Variants in CNTN4 observed in about 807,000 individuals in gnomAD.
The protein encoded by CNTN4 is contactin 4.
A neutral mutation model predicts 122.5 loss-of-function variants in CNTN4; 77 were observed. That is an observed-to-expected ratio of 0.63 (90% CI 0.52 to 0.76). The LOEUF is 0.76. Among genes scored for constraint, CNTN4 ranks in the 30% least tolerant of loss-of-function variants. CNTN4 has a pLI of 0.00. For synonymous variants in CNTN4, 512 were observed against 447.0 expected, an observed-to-expected ratio of 1.15 and a Z score of -1.83; for missense variants, 1,256 against 1,259.1, an observed-to-expected ratio of 1.00 and a Z score of 0.04.
At chr3:2,194,105 A>T (rs985812978) in intron 2 of CNTN4, among the ~76,000 whole-genome samples, 1 of 152,206 alleles carries the variant, frequency 6.6e-6, no homozygotes, top group Non-Finnish European at 1.5e-5. Flanking sequence ...ATATCTAGAT[A>T]TAAGGTTCAT....
At chr3:2,449,786 A>G (rs1243251626) in intron 3 of CNTN4, among the ~76,000 whole-genome samples, 3 of 152,012 alleles carry the variant, frequency 2.0e-5, no homozygotes, top group African/African-American at 7.3e-5. Context: ...AAATCTTGCT[A>G]TTTATGACAA....
intron 10 of CNTN4, among the ~76,000 whole-genome samples, chr3:2,894,305 C>T (rs916034363): frequency 2.0e-5 from 3 of 152,150 alleles, no homozygotes; most frequent in African/African-American, 7.2e-5. Flanking sequence ...TACAATGGTT[C>T]TTAGATTGCA....
At chr3:2,182,359 C>T (rs879334366) in intron 2 of CNTN4, among the ~76,000 whole-genome samples, 1 of 151,960 alleles carries the variant, frequency 6.6e-6, no homozygotes, top group Non-Finnish European at 1.5e-5. Flanking sequence ...ATTCACAACA[C>T]TAATTGAATT....
chr3:2,625,273 G>C (rs1298101528), intron 4 of CNTN4, among the ~76,000 whole-genome samples: 1 of 152,078 alleles, frequency 6.6e-6, no homozygotes, highest in Non-Finnish European at 1.5e-5. Context: ...TGGGACCCTG[G>C]ACATCTTGGG....
At chr3:2,595,079 A>C (rs1453528495) in intron 4 of CNTN4, among the ~76,000 whole-genome samples, 1 of 152,222 alleles carries the variant, frequency 6.6e-6, no homozygotes, top group African/African-American at 2.4e-5. Context: ...CAAGCTATAC[A>C]TTAGTGGGAA....
chr3:2,525,868 T>C (rs978817801), intron 3 of CNTN4, among the ~76,000 whole-genome samples: 1 of 152,156 alleles, frequency 6.6e-6, no homozygotes, highest in Non-Finnish European at 1.5e-5. Flanking sequence ...ACATATGTGC[T>C]AGCACACACA....
chr3:2,531,293 A>G (rs540353789), intron 3 of CNTN4, among the ~76,000 whole-genome samples: 1 of 152,258 alleles, frequency 6.6e-6, no homozygotes. Context: ...CATCAAGGGA[A>G]AGGAAGGAGC....
At chr3:2,479,614 C>T (rs1575726763) in intron 3 of CNTN4, among the ~76,000 whole-genome samples, 1 of 152,164 alleles carries the variant, frequency 6.6e-6, no homozygotes, top group Non-Finnish European at 1.5e-5. Flanking sequence ...CAGTGAGGAA[C>T]TGGGGGAGGG....
chr3:2,635,870 T>G lies in CNTN4; in HGVS notation c.55+64312T>G, dbSNP rs149335345. Among the ~76,000 whole-genome samples the G allele has an allele frequency of 1.3e-3, 196 of 152,268 alleles. 2 individuals carry two copies. Among genetic ancestry groups the G allele is most frequent in the African/African-American group, 4.5e-3 (187 of 41,550 alleles). On this transcript the variant is annotated intron_variant, in intron 4 of 24. Coordinates refer to ENST00000418658, the MANE Select transcript of CNTN4 (RefSeq NM_175607.3). ...CCAGATAGTTTCAAGGAACTGAAAC[T>G]TACCAGATCACCACCTCTGGACAAT...
intron 3 of CNTN4, among the ~76,000 whole-genome samples, chr3:2,499,001 G>A (rs902408709): frequency 1.4e-4 from 21 of 152,094 alleles, no homozygotes; most frequent in Non-Finnish European, 4.4e-5. Flanking sequence ...TGTTGGCCAG[G>A]CTGATCTCGA....
At position 2,266,524 on chromosome 3, in the gene CNTN4, A is replaced by G. The variant is rs564064666; in HGVS notation, c.-144-72654A>G. 7.2e-5 allele frequency among the ~76,000 whole-genome samples: 11 copies of G among 152,124 alleles called. No homozygotes were observed. In the South Asian group the frequency reaches 2.1e-3, roughly 29 times the overall value. On this transcript the variant is annotated intron_variant, in intron 2 of 24. Coordinates refer to ENST00000418658, the MANE Select transcript of CNTN4 (RefSeq NM_175607.3). ...AAAAATCAAATCTCCCCCCAACAAG[A>G]TGGAGATTTGGTCCTGCTGGGGGAT... is the stretch of plus-strand genomic sequence containing the variant.
At chr3:2,885,434 G>C (rs1202412063) in intron 9 of CNTN4, among the ~76,000 whole-genome samples, 2 of 152,164 alleles carry the variant, frequency 1.3e-5, no homozygotes, top group African/African-American at 4.8e-5. Context: ...ACTGCTGTAA[G>C]TTGGTAAGGT....
intron 4 of CNTN4, among the ~76,000 whole-genome samples, chr3:2,678,164 G>T (rs563594360): frequency 6.6e-6 from 1 of 152,072 alleles, no homozygotes; most frequent in South Asian, 2.1e-4. Flanking sequence ...CACTCTTATT[G>T]TAGTGATTTT....
intron 3 of CNTN4, among the ~76,000 whole-genome samples, chr3:2,521,764 A>G (rs538410310): frequency 6.6e-6 from 1 of 152,218 alleles, no homozygotes; most frequent in African/African-American, 2.4e-5. Flanking sequence ...TTGGTAACTC[A>G]GAAGCTTACC....
chr3:3,049,743 G>A (rs1701059496), intron 23 of CNTN4, among the ~76,000 whole-genome samples: 1 of 152,170 alleles, frequency 6.6e-6, no homozygotes, highest in South Asian at 2.1e-4. Context: ...CACCTCTCTG[G>A]GAATGTCCCA....
At chr3:2,775,489 G>A (rs1200175739) in intron 6 of CNTN4, among the ~76,000 whole-genome samples, 3 of 151,840 alleles carry the variant, frequency 2.0e-5, no homozygotes, top group Admixed American at 6.6e-5. Context: ...GCACGATCTC[G>A]GCCCACTGCA....
intron 3 of CNTN4, among the ~76,000 whole-genome samples, chr3:2,537,770 C>T (rs1469620872): frequency 6.6e-6 from 1 of 151,976 alleles, no homozygotes. Flanking sequence ...TTCATTCATC[C>T]ACATATCCAC....
At chr3:2,916,667 C>T (rs1224184373) in intron 12 of CNTN4, among the ~76,000 whole-genome samples, 1 of 125,360 alleles carries the variant, frequency 8.0e-6, no homozygotes, top group African/African-American at 3.0e-5. Context: ...CCCTTCCACT[C>T]GACAAAACCG....
At chr3:2,644,359 G>C (rs746134822) in intron 4 of CNTN4, among the ~76,000 whole-genome samples, 40 of 152,182 alleles carry the variant, frequency 2.6e-4, no homozygotes, top group Non-Finnish European at 4.7e-4. Flanking sequence ...TTGCCCATAG[G>C]CTTCATTATC....
Sources: allele counts gnomAD v4.1 joint callset (sites outside exome capture counted in the v4.1 genomes callset), GRCh38; gene constraint gnomAD v4.1.1; transcripts MANE v1.5; gene names NCBI Gene and HGNC (gene_info 2026-07-23, HGNC 2026-07-21).